RBFOX1: variants seen among roughly 807,000 people sequenced by gnomAD.
RBFOX1 encodes the protein RNA binding fox-1 homolog 1, also known as RNA binding protein fox-1 homolog 1.
RBFOX1 carries 8 observed loss-of-function variants against 57.7 expected under a neutral mutation model. The ratio of observed to expected loss-of-function variants is 0.14; its 90% CI spans 0.08 to 0.25. The LOEUF (loss-of-function observed/expected upper bound fraction) is 0.25, where lower values mean the gene tolerates loss of function less well. Ranked by LOEUF, RBFOX1 falls within the 10% of genes least tolerant of loss-of-function variation. The pLI is 1.00. For missense variants in RBFOX1, 611 were observed against 548.5 expected (o/e 1.11, Z -1.14); for synonymous variants, 326 against 222.4 (o/e 1.47, Z -4.15).
chr16:5,623,088 A>G (rs1466492827), intron 3 of RBFOX1, among the ~76,000 whole-genome samples: 1 of 152,170 alleles, frequency 6.6e-6, no homozygotes, highest in Non-Finnish European at 1.5e-5. Flanking sequence ...CCTCATGAAC[A>G]CCAAGGGATG....
At chr16:5,984,972 ATATATTTT>A (rs1401302452) in intron 4 of RBFOX1, among the ~76,000 whole-genome samples, 29 of 55,704 alleles carry the variant, frequency 5.2e-4, no homozygotes, top group South Asian at 2.1e-3. Context: ...ATATATATAT[ATATATTTT>A]TTTTTTTTTT....
intron 3 of RBFOX1, among the ~76,000 whole-genome samples, chr16:6,657,176 TCTC>T (rs2098664717): frequency 6.6e-6 from 1 of 151,286 alleles, no homozygotes; most frequent in Non-Finnish European, 1.5e-5. Context: ...TCCCTTTTTC[TCTC>T]CTCCTTTCCT....
chr16:7,519,769 G>C, intron 5 of RBFOX1: 1 of 958,700 alleles, frequency 1.0e-6, no homozygotes, highest in Non-Finnish European at 1.2e-6. Context: ...AAGTATTTGT[G>C]AAGGAGTTTA....
intron 1 of RBFOX1, among the ~76,000 whole-genome samples, chr16:5,428,478 T>G (rs1356326299): frequency 6.6e-6 from 1 of 152,092 alleles, no homozygotes. Flanking sequence ...GGCTGAGAGA[T>G]ATGCATTCTA....
intron 13 of RBFOX1, among the ~76,000 whole-genome samples, chr16:7,673,085 T>A (rs944060162): frequency 3.9e-5 from 6 of 151,962 alleles, no homozygotes; most frequent in Non-Finnish European, 8.8e-5. Context: ...TCCTATGCAC[T>A]CCAGCTGAAG....
intron 4 of RBFOX1, among the ~76,000 whole-genome samples, chr16:5,988,166 C>G (rs755320174): frequency 6.6e-6 from 1 of 152,154 alleles, no homozygotes; most frequent in Non-Finnish European, 1.5e-5. Flanking sequence ...ATCAGATTTT[C>G]AGGAGGTGCA....
chr16:5,266,401 C>T (rs7194999), intron 1 of RBFOX1, among the ~76,000 whole-genome samples: 26,660 of 152,040 alleles, frequency 0.18, 2,636 homozygotes, highest in African/African-American at 0.27. Flanking sequence ...AGAACTGCTG[C>T]TCTCATAAAG....
At chr16:6,030,128 A>C (rs2095267731) in intron 1 of RBFOX1, among the ~76,000 whole-genome samples, 1 of 152,010 alleles carries the variant, frequency 6.6e-6, no homozygotes, top group Non-Finnish European at 1.5e-5. Flanking sequence ...TGATTTCACC[A>C]TGTTGCCCAG....
At chr16:6,726,371 T>C (rs2067173966) in intron 3 of RBFOX1, among the ~76,000 whole-genome samples, 1 of 149,432 alleles carries the variant, frequency 6.7e-6, no homozygotes, top group Non-Finnish European at 1.5e-5. Flanking sequence ...AAAAAAATAA[T>C]AAATAAAAAT....
chr16:7,140,385 C>A (rs1276191170), intron 4 of RBFOX1, among the ~76,000 whole-genome samples: 1 of 139,622 alleles, frequency 7.2e-6, no homozygotes. Flanking sequence ...TCTTCATTTT[C>A]TGTGCCACTT....
chr16:5,921,039 G>C (rs748217740), intron 4 of RBFOX1, among the ~76,000 whole-genome samples: 1 of 152,126 alleles, frequency 6.6e-6, no homozygotes, highest in Non-Finnish European at 1.5e-5. Flanking sequence ...TTCCTGCTCC[G>C]TCTCTGATGT....
At chr16:6,676,037 G>T (rs896941896) in intron 3 of RBFOX1, among the ~76,000 whole-genome samples, 1 of 151,918 alleles carries the variant, frequency 6.6e-6, no homozygotes, top group African/African-American at 2.4e-5. Context: ...GTCCTCAAAA[G>T]GTTTAAAGGA....
chr16:7,449,473 C>T (rs532085295), intron 4 of RBFOX1, among the ~76,000 whole-genome samples: 1 of 152,226 alleles, frequency 6.6e-6, no homozygotes, highest in African/African-American at 2.4e-5. Context: ...CCAGGTTTCA[C>T]TAACGCGCCC....
chr16:6,243,429 T>C (rs1246566288), intron 1 of RBFOX1, among the ~76,000 whole-genome samples: 1 of 152,190 alleles, frequency 6.6e-6, no homozygotes, highest in Non-Finnish European at 1.5e-5. Flanking sequence ...CTTACAGTCA[T>C]GGTGCTGCTG....
chr16:7,076,660 T>C (rs1201177956), intron 4 of RBFOX1, among the ~76,000 whole-genome samples: 1 of 152,248 alleles, frequency 6.6e-6, no homozygotes, highest in Non-Finnish European at 1.5e-5. Context: ...ACCATCATAC[T>C]AACAAAGGTT....
At chr16:6,772,642 T>A (rs1292968472) in intron 3 of RBFOX1, among the ~76,000 whole-genome samples, 4 of 139,768 alleles carry the variant, frequency 2.9e-5, no homozygotes, top group South Asian at 2.4e-4. Context: ...TGGGGTGCAT[T>A]TGTGTGTGTG....
At chr16:5,562,382 T>C (rs1002725112) in intron 2 of RBFOX1, among the ~76,000 whole-genome samples, 5 of 152,144 alleles carry the variant, frequency 3.3e-5, no homozygotes, top group Non-Finnish European at 7.4e-5. Context: ...GAAGAACCTC[T>C]TGGTCCTGTC....
At chr16:5,749,189 T>C (rs555250597) in intron 3 of RBFOX1, among the ~76,000 whole-genome samples, 1 of 152,282 alleles carries the variant, frequency 6.6e-6, no homozygotes, top group South Asian at 2.1e-4. Flanking sequence ...TGTTGAATAT[T>C]GCCCCCACCC....
intron 3 of RBFOX1, among the ~76,000 whole-genome samples, chr16:6,754,849 C>G (rs1378146748): frequency 1.3e-5 from 2 of 151,960 alleles, no homozygotes; most frequent in Non-Finnish European, 2.9e-5. Flanking sequence ...AGCTATCCCT[C>G]CCCTCTCCCC....
Sources: allele counts gnomAD v4.1 joint callset (sites outside exome capture counted in the v4.1 genomes callset), GRCh38; gene constraint gnomAD v4.1.1; transcripts MANE v1.5; gene names NCBI Gene and HGNC (gene_info 2026-07-23, HGNC 2026-07-21).